The following MECOM variants were observed in gnomAD, a reference collection of about 807,000 sequenced individuals.
MECOM encodes histone-lysine N-methyltransferase MECOM.
In MECOM, 13 loss-of-function variants were observed where a neutral mutation model predicts 116.3. The observed-to-expected ratio is 0.11, with a 90% CI of 0.07 to 0.18. MECOM has a LOEUF of 0.18. Among genes scored for constraint, MECOM ranks in the 10% least tolerant of loss-of-function variants. The pLI is 1.00. For missense variants in MECOM, 1,299 were observed against 1,509.0 expected, an observed-to-expected ratio of 0.86 and a Z score of 2.31; for synonymous variants, 528 against 535.2, an observed-to-expected ratio of 0.99 and a Z score of 0.19.
At chr3:169,413,182 C>G (rs1347730190) in intron 1 of MECOM, among the ~76,000 whole-genome samples, 2 of 152,304 alleles carry the variant, frequency 1.3e-5, no homozygotes, top group East Asian at 3.9e-4. Context: ...ACTGGTTAGA[C>G]AGTGGTTGCA....
At chr3:169,204,705 G>A (rs1380042922) in intron 2 of MECOM, among the ~76,000 whole-genome samples, 2 of 152,036 alleles carry the variant, frequency 1.3e-5, no homozygotes, top group East Asian at 3.8e-4. Flanking sequence ...ATTTACAATG[G>A]CCTAAGACAT....
At chr3:169,545,224 C>A (rs1213937667) in intron 1 of MECOM, among the ~76,000 whole-genome samples, 1 of 152,060 alleles carries the variant, frequency 6.6e-6, no homozygotes, top group Non-Finnish European at 1.5e-5. Context: ...ACCCCATGAC[C>A]AGTCAATAGT....
At chr3:169,301,711 T>G (rs887438983) in intron 2 of MECOM, among the ~76,000 whole-genome samples, 1 of 152,340 alleles carries the variant, frequency 6.6e-6, no homozygotes, top group South Asian at 2.1e-4. Context: ...TATGCTAATT[T>G]TGATGACAGT....
rs1166736467 is a variant in MECOM at position 169,168,337 on chromosome 3, C to CTTTTTTTTT, written c.376-24514_376-24506dup. ...GGCATGAGTCACCACACTTGGCCTG[C>CTTTTTTTTT]TTTTTTTTTTTTTTTTTTGGTTCCA... is the stretch of plus-strand genomic sequence containing the variant. On this transcript the variant is annotated intron_variant, in intron 2 of 16. Transcript: ENST00000651503. Among the ~76,000 whole-genome samples, 741 of 108,034 alleles carry CTTTTTTTTT rather than the reference C, an allele frequency of 6.9e-3. 5 individuals are homozygous for CTTTTTTTTT. The highest frequency in any genetic ancestry group is 0.013 in the South Asian group (41 of 3,040). 70.9% of individuals were successfully genotyped at this position (108,034 alleles called of 152,430 possible). A position where few individuals can be genotyped will look rare whatever the true frequency, so the allele number is the denominator to read the frequency against.
chr3:169,599,469 A>G (rs879406239), intron 1 of MECOM, among the ~76,000 whole-genome samples: 1 of 151,222 alleles, frequency 6.6e-6, no homozygotes, highest in African/African-American at 2.4e-5. Flanking sequence ...GCCAAGATCA[A>G]GCCACTGCAC....
At chr3:169,347,853 C>A (rs1309687350) in intron 2 of MECOM, among the ~76,000 whole-genome samples, 1 of 151,996 alleles carries the variant, frequency 6.6e-6, no homozygotes, top group Non-Finnish European at 1.5e-5. Context: ...TGTTGACTGA[C>A]TGACAAGCCC....
At chr3:169,290,362 TTA>T (rs1714280770) in intron 2 of MECOM, among the ~76,000 whole-genome samples, 1 of 152,214 alleles carries the variant, frequency 6.6e-6, no homozygotes, top group Non-Finnish European at 1.5e-5. Context: ...CCCAGATTTA[TTA>T]GTTATTCCTT....
chr3:169,375,184 G>A (rs1237745743), intron 2 of MECOM, among the ~76,000 whole-genome samples: 1 of 151,990 alleles, frequency 6.6e-6, no homozygotes, highest in Non-Finnish European at 1.5e-5. Flanking sequence ...GTGTTTAGAG[G>A]GAAATTTGTA....
At chr3:169,362,653 A>C (rs931146362) in intron 2 of MECOM, among the ~76,000 whole-genome samples, 1 of 151,980 alleles carries the variant, frequency 6.6e-6, no homozygotes, top group Non-Finnish European at 1.5e-5. Flanking sequence ...GTGGCTGCCC[A>C]AGAGAAAGAA....
intron 1 of MECOM, among the ~76,000 whole-genome samples, chr3:169,413,478 G>GTT (rs1192191684): frequency 1.1e-4 from 11 of 97,104 alleles, no homozygotes; most frequent in African/African-American, 2.8e-4. Context: ...TTTTTTTTTT[G>GTT]TTTTTTTTTT....
Position 169,472,868 on chromosome 3 carries a change from A to C in MECOM, c.38-91344T>G, listed in dbSNP as rs1560319583. On this transcript the variant is annotated intron_variant, in intron 1 of 16. Coordinates refer to ENST00000651503, the MANE Select transcript of MECOM (RefSeq NM_004991.4). The stretch of plus-strand genomic sequence containing the variant: ...ACATAAAGTTCAAAGACAAGGTCTT[A>C]ATGACTGCTTACTATTGTGGTAAGA... 5.6e-6 allele frequency: 3 copies of C among 539,890 alleles called. No homozygotes were observed. The Admixed American group carries it at 1.9e-4, about 34-fold the overall frequency. 33.4% of individuals were successfully genotyped at this position (539,890 alleles called of 1,614,324 possible). A position where few individuals can be genotyped will look rare whatever the true frequency, so the allele number is the denominator to read the frequency against.
At chr3:169,609,135 T>A (rs1185388371) in intron 1 of MECOM, among the ~76,000 whole-genome samples, 1 of 152,228 alleles carries the variant, frequency 6.6e-6, no homozygotes, top group Non-Finnish European at 1.5e-5. Flanking sequence ...CAGAGCCTCA[T>A]GCTCCAAAGT....
intron 1 of MECOM, among the ~76,000 whole-genome samples, chr3:169,554,289 A>G (rs189556157): frequency 3.3e-5 from 5 of 152,328 alleles, no homozygotes; most frequent in African/African-American, 1.2e-4. Context: ...TCAGACCACT[A>G]TATGAGGGAA....
At chr3:169,176,742 A>G (rs1745224261) in intron 2 of MECOM, among the ~76,000 whole-genome samples, 1 of 152,174 alleles carries the variant, frequency 6.6e-6, no homozygotes, top group African/African-American at 2.4e-5. Flanking sequence ...AATACCCAGA[A>G]TTTACAAGGA....
At chr3:169,236,592 G>A (rs16853355) in intron 2 of MECOM, among the ~76,000 whole-genome samples, 4,974 of 152,076 alleles carry the variant, frequency 0.033, 130 homozygotes, top group Non-Finnish European at 0.043. Flanking sequence ...CTGACAAAAA[G>A]AAAAGCCTAG....
chr3:169,525,487 A>G (rs1372914185), intron 1 of MECOM, among the ~76,000 whole-genome samples: 1 of 152,196 alleles, frequency 6.6e-6, no homozygotes, highest in Non-Finnish European at 1.5e-5. Flanking sequence ...TCATACTGAG[A>G]GTATATAGCC....
chr3:169,622,822 G>A (rs557643744), intron 1 of MECOM, among the ~76,000 whole-genome samples: 2 of 152,284 alleles, frequency 1.3e-5, no homozygotes, highest in South Asian at 4.1e-4. Flanking sequence ...GTGCAGAGGC[G>A]CTGGGGTCAG....
Position 169,090,056 on chromosome 3 carries a change from C to T in MECOM, c.3345G>A (p.Glu1115=). ...GGGCACTGGTTTCTTCATAGTCATC[C>T]TCAGGGTTTCCTTCATGTAAATTAC... The part of the protein sequence containing the change: ...VTSNLHEGNP[E]DDYEETSALE... The change falls in exon 15 of 17, where the codon GAG becomes GAA. Residue 1115 remains glutamate, a synonymous_variant. Coordinates refer to ENST00000651503, the MANE Select transcript of MECOM (RefSeq NM_004991.4). The T allele has an allele frequency of 6.2e-7, 1 of 1,613,542 alleles. No homozygotes were observed. Among genetic ancestry groups the T allele is most frequent in the Non-Finnish European group, 8.5e-7 (1 of 1,179,670 alleles).
At chr3:169,461,678 G>A (rs1192646978) in intron 1 of MECOM, among the ~76,000 whole-genome samples, 1 of 152,080 alleles carries the variant, frequency 6.6e-6, no homozygotes, top group African/African-American at 2.4e-5. Flanking sequence ...ATAAATTTTT[G>A]GAAGTGGTAA....
Sources: allele counts gnomAD v4.1 joint callset (sites outside exome capture counted in the v4.1 genomes callset), GRCh38; gene constraint gnomAD v4.1.1; transcripts MANE v1.5; gene names NCBI Gene and HGNC (gene_info 2026-07-23, HGNC 2026-07-21).